Variants in TP63 observed in about 807,000 individuals in gnomAD.
The protein encoded by TP63 is tumor protein p63, also known as tumor protein 63.
TP63 carries 17 observed loss-of-function variants against 82.8 expected under a neutral mutation model. The observed-to-expected ratio is 0.21, with a 90% CI of 0.14 to 0.31. The LOEUF (loss-of-function observed/expected upper bound fraction) is 0.31. TP63 is among the 10% of genes least tolerant of loss of function. The pLI, the probability that TP63 is intolerant of heterozygous loss-of-function variation, is 1.00. For missense variants in TP63, 648 were observed against 895.3 expected, an observed-to-expected ratio of 0.72 and a Z score of 3.52; for synonymous variants, 330 against 321.7, an observed-to-expected ratio of 1.03 and a Z score of -0.28.
chr3:189,811,139 T>G (rs1727520177), intron 4 of TP63, among the ~76,000 whole-genome samples: 1 of 152,168 alleles, frequency 6.6e-6, no homozygotes. Flanking sequence ...TCTTGATCAT[T>G]TATGCAAACT....
At chr3:189,777,876 GT>G (rs1723938273) in intron 3 of TP63, among the ~76,000 whole-genome samples, 1 of 56,718 alleles carries the variant, frequency 1.8e-5, no homozygotes, top group African/African-American at 7.8e-5. Context: ...TTTTTTTTGA[GT>G]CAGAGTCTTA....
At chr3:189,680,071 C>G (rs2108689414) in intron 1 of TP63, among the ~76,000 whole-genome samples, 1 of 152,104 alleles carries the variant, frequency 6.6e-6, no homozygotes, top group East Asian at 1.9e-4. Flanking sequence ...ATCACTTTGG[C>G]TATTTGGGCT....
At chr3:189,649,400 C>T (rs1712694344) in intron 1 of TP63, among the ~76,000 whole-genome samples, 1 of 146,510 alleles carries the variant, frequency 6.8e-6, no homozygotes, top group Admixed American at 6.7e-5. Context: ...TTATGTTTCA[C>T]TCATAAGTGG....
intron 1 of TP63, among the ~76,000 whole-genome samples, chr3:189,700,353 A>G (rs1340370400): frequency 1.3e-5 from 2 of 152,174 alleles, no homozygotes; most frequent in Non-Finnish European, 1.5e-5. Flanking sequence ...ACAAACACTT[A>G]CTGAATGCCT....
intron 1 of TP63, among the ~76,000 whole-genome samples, chr3:189,730,559 TA>T (rs1460676559): frequency 2.6e-5 from 4 of 152,240 alleles, no homozygotes; most frequent in African/African-American, 9.6e-5. Flanking sequence ...ATCTCAGATT[TA>T]TTACCAACAC....
At chr3:189,848,821 T>C (rs1350966506) in intron 4 of TP63, among the ~76,000 whole-genome samples, 1 of 152,222 alleles carries the variant, frequency 6.6e-6, no homozygotes, top group Admixed American at 6.5e-5. Context: ...ATTTGGACTT[T>C]GTCCAAGTTT....
At chr3:189,735,436 T>G (rs1447580357) in intron 1 of TP63, among the ~76,000 whole-genome samples, 2 of 152,206 alleles carry the variant, frequency 1.3e-5, no homozygotes, top group East Asian at 3.9e-4. Flanking sequence ...TCATCTCTCT[T>G]TCTTCAAGCC....
intron 3 of TP63, among the ~76,000 whole-genome samples, chr3:189,777,518 A>G (rs1723891834): frequency 6.6e-6 from 1 of 152,012 alleles, no homozygotes. Context: ...TTCTGAATGC[A>G]TAATTTCATG....
chr3:189,795,678 G>A (rs1023291685), intron 3 of TP63, among the ~76,000 whole-genome samples: 5 of 151,998 alleles, frequency 3.3e-5, no homozygotes, highest in African/African-American at 4.8e-5. Context: ...AAAATGGAAC[G>A]CTTTTGTAGA....
chr3:189,872,978 G>A lies in TP63; in HGVS notation c.1332G>A (p.Gln444=). 1.2e-6 allele frequency: 2 copies of A among 1,614,128 alleles called. No individual in the cohort carries two copies. The highest frequency in any genetic ancestry group is 1.7e-6 in the Non-Finnish European group (2 of 1,179,992). ...TYRQQQQQQH[Q]HLLQKQTSIQ... ...GGCAACAGCAACAGCAGCAGCACCA[G>A]CACTTACTTCAGAAACAGTGAGTGT... Residue 444 remains glutamine (Q), a synonymous_variant, in exon 10 of 14, where the codon CAG becomes CAA. Transcript: ENST00000264731.
At chr3:189,683,866 G>A (rs752556706) in intron 1 of TP63, among the ~76,000 whole-genome samples, 1 of 152,170 alleles carries the variant, frequency 6.6e-6, no homozygotes, top group Non-Finnish European at 1.5e-5. Flanking sequence ...AAGTGTTAAA[G>A]TGCCCAATGT....
intron 1 of TP63, among the ~76,000 whole-genome samples, chr3:189,717,519 T>C (rs144755526): frequency 2.2e-4 from 33 of 152,350 alleles, no homozygotes; most frequent in Non-Finnish European, 3.7e-4. Context: ...TGTTTTCATA[T>C]AGCTATACTG....
chr3:189,672,664 A>AAGGAAGGAAG (rs1715010926), intron 1 of TP63, among the ~76,000 whole-genome samples: 1 of 118,674 alleles, frequency 8.4e-6, no homozygotes, highest in Admixed American at 9.7e-5. Context: ...AAGGAAGGAA[A>AAGGAAGGAAG]GAAGGAAGGA....
At chr3:189,616,295 C>T in the TP63 span, among the ~76,000 whole-genome samples, 1 of 152,186 alleles carries the variant, frequency 6.6e-6, no homozygotes, top group Non-Finnish European at 1.5e-5. Context: ...GGAATTGTCC[C>T]ACTTTCTGAC....
At chr3:189,699,470 A>T (rs548733085) in intron 1 of TP63, among the ~76,000 whole-genome samples, 1 of 152,204 alleles carries the variant, frequency 6.6e-6, no homozygotes, top group Admixed American at 6.5e-5. Flanking sequence ...TCGGAGAGGA[A>T]CTTAGAGAAT....
chr3:189,636,531 C>T (rs1249062456), intron 1 of TP63, among the ~76,000 whole-genome samples: 1 of 152,034 alleles, frequency 6.6e-6, no homozygotes, highest in Non-Finnish European at 1.5e-5. Flanking sequence ...TTAAGCAAAA[C>T]CGTATGTAAC....
intron 1 of TP63, among the ~76,000 whole-genome samples, chr3:189,700,701 A>G (rs1307382300): frequency 6.6e-6 from 1 of 152,158 alleles, no homozygotes; most frequent in Non-Finnish European, 1.5e-5. Context: ...TTTTGATCTT[A>G]ATTGCGATGT....
rs1279580991 is a variant in TP63, at chr3:189,895,701, T to C, written c.*1199T>C. ...AATATTGTTTGGTAAATGTTTCTTT[T>C]GTTTGGTAAATGTTTCTTTTAAAGA... On this transcript the variant is annotated 3_prime_UTR_variant, in exon 14 of 14. Coordinates refer to ENST00000264731, the MANE Select transcript of TP63 (RefSeq NM_003722.5). 1 of 228,982 alleles carries C rather than the reference T, an allele frequency of 4.4e-6. No individual in the cohort carries two copies. Among genetic ancestry groups the C allele is most frequent in the East Asian group, 6.3e-5 (1 of 15,850 alleles). The allele number at this position is 228,982 out of a possible 1,614,324, so 14.2% of individuals were successfully genotyped here.
At chr3:189,606,422 CTACA>C in the TP63 span, among the ~76,000 whole-genome samples, 1 of 151,662 alleles carries the variant, frequency 6.6e-6, no homozygotes, top group Admixed American at 6.6e-5. Flanking sequence ...AGAGCTAGGC[CTACA>C]TAAATTTCAA....
Sources: allele counts gnomAD v4.1 joint callset (sites outside exome capture counted in the v4.1 genomes callset), GRCh38; gene constraint gnomAD v4.1.1; transcripts MANE v1.5; gene names NCBI Gene and HGNC (gene_info 2026-07-23, HGNC 2026-07-21).